The following DLEU7 variants were observed in gnomAD, a reference collection of about 807,000 sequenced individuals.
DLEU7 encodes the protein leukemia-associated protein 7.
Under a neutral mutation model 16.0 loss-of-function variants are expected in DLEU7, and 17 were observed. The observed-to-expected ratio is 1.06, with a 90% CI of 0.73 to 1.59. The LOEUF (loss-of-function observed/expected upper bound fraction) is 1.59, where lower values mean the gene tolerates loss of function less well. DLEU7 is among the 40% of genes most tolerant of loss of function. DLEU7 has a pLI of 0.00. For synonymous variants in DLEU7, 113 were observed against 139.8 expected, an observed-to-expected ratio of 0.81 and a Z score of 1.35; for missense variants, 308 against 314.9, an observed-to-expected ratio of 0.98 and a Z score of 0.17.
chr13:50,798,284 C>T (rs1876155131), intron 1 of DLEU7, among the ~76,000 whole-genome samples: 1 of 152,172 alleles, frequency 6.6e-6, no homozygotes, highest in African/African-American at 2.4e-5. Flanking sequence ...TATATGTGTA[C>T]AACACAATAT....
intron 1 of DLEU7, among the ~76,000 whole-genome samples, chr13:50,804,772 C>T (rs536560388): frequency 1.4e-4 from 22 of 152,184 alleles, no homozygotes; most frequent in African/African-American, 5.3e-4. Flanking sequence ...TAGGTTTTCA[C>T]ATCTGACAAA....
At chr13:50,793,806 G>T (rs1461169697) in intron 1 of DLEU7, among the ~76,000 whole-genome samples, 1 of 152,152 alleles carries the variant, frequency 6.6e-6, no homozygotes, top group Admixed American at 6.5e-5. Context: ...TAGGGTGTCT[G>T]TTTACTTCTT....
intron 1 of DLEU7, among the ~76,000 whole-genome samples, chr13:50,716,580 T>G (rs1168467130): frequency 6.6e-6 from 1 of 152,246 alleles, no homozygotes; most frequent in Non-Finnish European, 1.5e-5. Context: ...TCTCACTAAC[T>G]ATATACACGT....
In DLEU7 at chr13:50,823,318, A is replaced by C; in HGVS notation, c.662T>G (p.Ile221Arg). The change falls in exon 2 of 2, where the codon ATA (isoleucine) becomes AGA (arginine). Residue 221 changes from isoleucine (I) to arginine (R), a missense_variant. Transcript: ENST00000504404. Reference protein sequence around the residue: ...LRQILQNLPDI With the variant: ...LRQILQNLPDR ...TACTCCCGATGCCTTTAACACTCAT[A>C]TGTCTGGGAGATTCTGTAAGATCTG... 6.5e-7 allele frequency: 1 copy of C among 1,535,504 alleles called. No homozygotes were observed. The highest frequency in any genetic ancestry group is 8.7e-7 in the Non-Finnish European group (1 of 1,146,420).
chr13:50,733,297 C>T (rs1316266026), intron 1 of DLEU7, among the ~76,000 whole-genome samples: 2 of 152,138 alleles, frequency 1.3e-5, no homozygotes, highest in Non-Finnish European at 2.9e-5. Context: ...AGCCTGAGAA[C>T]CAATGTTTTA....
intron 1 of DLEU7, among the ~76,000 whole-genome samples, chr13:50,790,176 A>G (rs1191479912): frequency 6.6e-6 from 1 of 151,404 alleles, no homozygotes; most frequent in Non-Finnish European, 1.5e-5. Flanking sequence ...CAAGTGATCC[A>G]CCCTCCTCGG....
rs1346246146 is a variant in DLEU7, at chr13:50,726,516, A to G, written c.460-13276T>C. Among the ~76,000 whole-genome samples, 1 of 152,220 alleles carries G rather than the reference A, an allele frequency of 6.6e-6. No homozygotes were observed. Among genetic ancestry groups the G allele is most frequent in the Non-Finnish European group, 1.5e-5 (1 of 68,038 alleles). ...ACACAAGGGTTTAAATTAAGGGTAA[A>G]CGTTGCATTTTCAAATCACAAAAGT... On this transcript the variant is annotated intron_variant, in intron 1 of 1. Coordinates refer to the DLEU7 transcript ENST00000400393. The surrounding 1 kb of genome is among the most constrained non-coding windows in gnomAD (Gnocchi z 4.0).
chr13:50,732,386 T>C (rs1261974331), intron 1 of DLEU7, among the ~76,000 whole-genome samples: 1 of 151,918 alleles, frequency 6.6e-6, no homozygotes, highest in Non-Finnish European at 1.5e-5. Flanking sequence ...TGAGGTGGGC[T>C]AATCATGAGG....
intron 1 of DLEU7, among the ~76,000 whole-genome samples, chr13:50,804,041 A>C (rs1333398158): frequency 6.6e-6 from 1 of 152,146 alleles, no homozygotes; most frequent in Non-Finnish European, 1.5e-5. Flanking sequence ...GTTAGAATCC[A>C]ATATTAATTT....
chr13:50,800,564 A>G (rs1206988028), intron 1 of DLEU7, among the ~76,000 whole-genome samples: 1 of 152,140 alleles, frequency 6.6e-6, no homozygotes, highest in East Asian at 1.9e-4. Context: ...CCTTTGAGGA[A>G]GAACATAAGC....
At chr13:50,767,909 G>A (rs1440585802) in intron 1 of DLEU7, among the ~76,000 whole-genome samples, 1 of 152,202 alleles carries the variant, frequency 6.6e-6, no homozygotes, top group African/African-American at 2.4e-5. Context: ...CAGGGTGGCA[G>A]CAGTGAGAAC....
intron 1 of DLEU7, among the ~76,000 whole-genome samples, chr13:50,784,056 C>G (rs141421544): frequency 6.6e-6 from 1 of 152,216 alleles, no homozygotes; most frequent in Non-Finnish European, 1.5e-5. Flanking sequence ...TTGCCAGGCA[C>G]ATGGATTTCT....
chr13:50,780,485 A>T (rs1490461884), intron 1 of DLEU7, among the ~76,000 whole-genome samples: 2 of 152,210 alleles, frequency 1.3e-5, no homozygotes, highest in Admixed American at 6.5e-5. Flanking sequence ...GCAACACATT[A>T]TCATGTGGGA....
intron 1 of DLEU7, among the ~76,000 whole-genome samples, chr13:50,785,608 A>G (rs74078420): frequency 0.013 from 2,049 of 152,352 alleles, 40 homozygotes; most frequent in African/African-American, 0.047. Context: ...GCTAAATGGT[A>G]AATTAAGCTT....
At chr13:50,716,214 C>A (rs575636170) in intron 1 of DLEU7, among the ~76,000 whole-genome samples, 1 of 152,342 alleles carries the variant, frequency 6.6e-6, no homozygotes, top group African/African-American at 2.4e-5. Context: ...AATGCCCCAA[C>A]CCTTCTCTAG....
chr13:50,769,229 C>T (rs1035821937), intron 1 of DLEU7, among the ~76,000 whole-genome samples: 14 of 152,264 alleles, frequency 9.2e-5, no homozygotes, highest in African/African-American at 2.6e-4. Context: ...TTCTCCCATT[C>T]TGTAGGTTGC....
chr13:50,818,890 A>T (rs1297349667), downstream of DLEU7, among the ~76,000 whole-genome samples: 2 of 152,094 alleles, frequency 1.3e-5, no homozygotes, highest in Non-Finnish European at 2.9e-5. Flanking sequence ...CACATTTGTG[A>T]TGGCATTTGG....
At chr13:50,817,509 T>C (rs1048373747) in intron 1 of DLEU7, among the ~76,000 whole-genome samples, 3 of 152,164 alleles carry the variant, frequency 2.0e-5, no homozygotes, top group African/African-American at 7.2e-5. Context: ...CCAGATGATA[T>C]GGAACACTGC....
At chr13:50,750,529 A>G (rs1262323854) in intron 1 of DLEU7, among the ~76,000 whole-genome samples, 4 of 152,112 alleles carry the variant, frequency 2.6e-5, no homozygotes, top group Non-Finnish European at 5.9e-5. Flanking sequence ...TTTTGGCAGT[A>G]TGGTCATTTT....
Sources: allele counts gnomAD v4.1 joint callset (sites outside exome capture counted in the v4.1 genomes callset), GRCh38; gene constraint gnomAD v4.1.1; non-coding constraint Gnocchi (gnomAD v3.1); transcripts MANE v1.5; gene names NCBI Gene and HGNC (gene_info 2026-07-23, HGNC 2026-07-21).